VKORC1L1: variants seen among roughly 807,000 people sequenced by gnomAD.
The protein encoded by VKORC1L1 is vitamin K epoxide reductase complex subunit 1L1, also known as vitamin K epoxide reductase complex subunit 1-like protein 1.
VKORC1L1 carries 2 observed loss-of-function variants against 18.9 expected under a neutral mutation model. That is an observed-to-expected ratio of 0.11 (90% CI 0.04 to 0.33). VKORC1L1 has a LOEUF of 0.33. Ranked by LOEUF, VKORC1L1 falls within the 10% of genes least tolerant of loss-of-function variation. The pLI is 1.00. For missense variants in VKORC1L1, 123 were observed against 224.1 expected (o/e 0.55, Z 2.88); for synonymous variants, 96 against 100.0 (o/e 0.96, Z 0.24).
chr7:65,922,340 G>A (rs755028911), intron 1 of VKORC1L1, among the ~76,000 whole-genome samples: 24 of 150,616 alleles, frequency 1.6e-4, no homozygotes, highest in Admixed American at 9.3e-4. Flanking sequence ...CAGTGCAGTC[G>A]CGCAATCTTG....
At chr7:65,891,555 C>T (rs1187383896) in intron 1 of VKORC1L1, among the ~76,000 whole-genome samples, 2 of 152,178 alleles carry the variant, frequency 1.3e-5, no homozygotes, top group Non-Finnish European at 2.9e-5. Context: ...ATCCCCTCCC[C>T]TCCCTGCCCC....
At chr7:65,899,203 T>C (rs889073799) in intron 1 of VKORC1L1, among the ~76,000 whole-genome samples, 11 of 152,212 alleles carry the variant, frequency 7.2e-5, no homozygotes, top group African/African-American at 2.7e-4. Flanking sequence ...CCTTTTGTCA[T>C]CTTTGGGTGC....
intron 1 of VKORC1L1, among the ~76,000 whole-genome samples, chr7:65,899,512 T>G (rs1012770296): frequency 6.6e-6 from 1 of 152,212 alleles, no homozygotes; most frequent in African/African-American, 2.4e-5. Context: ...AGTAGGATTT[T>G]TGACTAGACG....
intron 1 of VKORC1L1, among the ~76,000 whole-genome samples, chr7:65,932,633 CTT>C (rs1396007784): frequency 1.3e-5 from 2 of 152,152 alleles, no homozygotes; most frequent in African/African-American, 2.4e-5. Context: ...TTGAAGATAT[CTT>C]TCTGTATGAG....
At chr7:65,867,285 C>A in the VKORC1L1 span, among the ~76,000 whole-genome samples, 1 of 152,184 alleles carries the variant, frequency 6.6e-6, no homozygotes, top group Admixed American at 6.5e-5. Flanking sequence ...ATAACCCAAC[C>A]TACCTCTCGC....
chr7:65,893,672 T>A (rs1005367371), intron 1 of VKORC1L1, among the ~76,000 whole-genome samples: 1 of 152,222 alleles, frequency 6.6e-6, no homozygotes. Flanking sequence ...TAAAAATAAA[T>A]AAATTTCCTG....
rs562237442 is a variant in VKORC1L1, at chr7:65,900,810, A to G, written c.194+27245A>G. 3.9e-5 allele frequency among the ~76,000 whole-genome samples: 6 copies of G among 152,292 alleles called. No homozygotes were observed. In the East Asian group the frequency reaches 5.8e-4, roughly 15 times the overall value. ...ACAGAGCAAGACTCTGCTAAAAATAATAATAAAAATAATAATAATAGAAGT... is the reference window on the plus strand; with the variant it reads ...ACAGAGCAAGACTCTGCTAAAAATAGTAATAAAAATAATAATAATAGAAGT... On this transcript the variant is annotated intron_variant, in intron 1 of 2. Transcript: ENST00000360768.
At chr7:65,876,623 T>A (rs1251566847) in intron 1 of VKORC1L1, among the ~76,000 whole-genome samples, 1 of 152,216 alleles carries the variant, frequency 6.6e-6, no homozygotes, top group African/African-American at 2.4e-5. Context: ...TAGCAGTCCC[T>A]GCCCCCTTGG....
intron 1 of VKORC1L1, among the ~76,000 whole-genome samples, chr7:65,943,791 G>A (rs141134029): frequency 1.1e-3 from 163 of 152,054 alleles, no homozygotes; most frequent in African/African-American, 3.8e-3. Context: ...GTGAAACTCT[G>A]TCTGAAAAAT....
intron 1 of VKORC1L1, among the ~76,000 whole-genome samples, chr7:65,909,685 A>C (rs1348777581): frequency 9.5e-6 from 1 of 105,178 alleles, no homozygotes; most frequent in Non-Finnish European, 1.9e-5. Flanking sequence ...CTTTTGTTTT[A>C]GCCTTTGTGT....
rs200962147 is a variant in VKORC1L1, at chr7:65,908,888, A to G, written c.194+35323A>G. Among the ~76,000 whole-genome samples the G allele has an allele frequency of 3.7e-4, 56 of 151,998 alleles. No individual in the cohort carries two copies. The East Asian group carries it at 7.2e-3, about 20-fold the overall frequency. On this transcript the variant is annotated intron_variant, in intron 1 of 2. Coordinates refer to ENST00000360768, the MANE Select transcript of VKORC1L1 (RefSeq NM_173517.6). ...CATTGTAGACTGATATGTTTGCAAG[A>G]TGAAGTATTAAAAAATAAATAAAAA... is the stretch of plus-strand genomic sequence containing the variant.
intron 1 of VKORC1L1, among the ~76,000 whole-genome samples, chr7:65,909,061 G>A (rs1562991782): frequency 1.3e-5 from 2 of 149,212 alleles, no homozygotes; most frequent in East Asian, 4.1e-4. Flanking sequence ...CCTGAGGTTG[G>A]GAGTTCAAGA....
intron 1 of VKORC1L1, among the ~76,000 whole-genome samples, chr7:65,941,180 T>C (rs1790026625): frequency 6.6e-6 from 1 of 152,216 alleles, no homozygotes; most frequent in Admixed American, 6.6e-5. Context: ...GGCACAATCA[T>C]AGCTCATTGC....
At chr7:65,928,552 G>A (rs1409305612) in intron 1 of VKORC1L1, among the ~76,000 whole-genome samples, 1 of 152,110 alleles carries the variant, frequency 6.6e-6, no homozygotes, top group African/African-American at 2.4e-5. Context: ...ATTTATCCGT[G>A]TTGTTTCATG....
chr7:65,885,242 T>A (rs1228525431), intron 1 of VKORC1L1, among the ~76,000 whole-genome samples: 1 of 152,134 alleles, frequency 6.6e-6, no homozygotes, highest in East Asian at 1.9e-4. Context: ...CTTTCTGGGT[T>A]GTTTATCTTT....
At chr7:65,923,338 G>A (rs1562647939) in intron 1 of VKORC1L1, among the ~76,000 whole-genome samples, 2 of 151,990 alleles carry the variant, frequency 1.3e-5, no homozygotes, top group Admixed American at 6.6e-5. Context: ...TGGGGAGGTC[G>A]AGGCTGCAGT....
At chr7:65,908,758 AC>A (rs1789448456) in intron 1 of VKORC1L1, among the ~76,000 whole-genome samples, 1 of 147,580 alleles carries the variant, frequency 6.8e-6, no homozygotes, top group Non-Finnish European at 1.5e-5. Context: ...AATTGCTCGA[AC>A]CTCAGAAGCA....
Position 65,898,585 on chromosome 7 carries a change from T to C in VKORC1L1, c.194+25020T>C, listed in dbSNP as rs369326237. Among the ~76,000 whole-genome samples, 89 of 152,326 alleles carry C rather than the reference T, an allele frequency of 5.8e-4. No individual in the cohort carries two copies. In the South Asian group the frequency reaches 0.018, roughly 31 times the overall value. On this transcript the variant is annotated intron_variant, in intron 1 of 2. Coordinates refer to ENST00000360768, the MANE Select transcript of VKORC1L1 (RefSeq NM_173517.6). ...ATATATTTGGAAAGATGGGAAGATATGCTAACACTGGCTGTCTCTGAGGAG... is the reference window on the plus strand; with the variant it reads ...ATATATTTGGAAAGATGGGAAGATACGCTAACACTGGCTGTCTCTGAGGAG...
intron 1 of VKORC1L1, among the ~76,000 whole-genome samples, chr7:65,891,419 G>A (rs762196388): frequency 7.9e-5 from 12 of 152,064 alleles, no homozygotes; most frequent in Non-Finnish European, 1.6e-4. Context: ...GCATTTCCCT[G>A]ATTACTAATG....
Sources: gnomAD v4.1 joint callset for allele counts (sites outside exome capture counted in the v4.1 genomes callset) on GRCh38, gnomAD v4.1.1 for gene constraint, MANE v1.5 for transcripts, NCBI Gene and HGNC (gene_info 2026-07-23, HGNC 2026-07-21) for gene names.